PRR16: variants seen among roughly 807,000 people sequenced by gnomAD.
The protein encoded by PRR16 is proline rich 16, also known as protein Largen.
PRR16 carries 6 observed loss-of-function variants against 18.2 expected under a neutral mutation model. The observed-to-expected ratio is 0.33, with a 90% CI of 0.18 to 0.65. The LOEUF (loss-of-function observed/expected upper bound fraction) is 0.65. Among genes scored for constraint, PRR16 ranks in the 30% least tolerant of loss-of-function variants. The pLI, the probability that PRR16 is intolerant of heterozygous loss-of-function variation, is 0.74. For synonymous variants in PRR16, 151 were observed against 147.8 expected (o/e 1.02, Z -0.16); for missense variants, 412 against 376.6 (o/e 1.09, Z -0.78).
the PRR16 span, among the ~76,000 whole-genome samples, chr5:120,744,709 ATTTGTATCATTATTTTTGCATATATT>A: frequency 6.6e-6 from 1 of 152,054 alleles, no homozygotes; most frequent in Non-Finnish European, 1.5e-5. Context: ...CACATTTTCT[ATTTGTATCATTATTTTTGCATATATT>A]TGTCATAAAT....
At chr5:120,580,819 A>G (rs1161612892) in intron 1 of PRR16, among the ~76,000 whole-genome samples, 1 of 152,168 alleles carries the variant, frequency 6.6e-6, no homozygotes, top group Non-Finnish European at 1.5e-5. Context: ...TATGTGATCA[A>G]TTACATTTAT....
chr5:120,593,182 G>A (rs1753692951), intron 1 of PRR16, among the ~76,000 whole-genome samples: 2 of 151,868 alleles, frequency 1.3e-5, no homozygotes, highest in South Asian at 4.1e-4. Context: ...AACTGAAGGA[G>A]ATTGAGATAG....
intron 1 of PRR16, among the ~76,000 whole-genome samples, chr5:120,477,146 T>G (rs543966743): frequency 1.3e-5 from 2 of 152,202 alleles, no homozygotes; most frequent in Admixed American, 6.5e-5. Context: ...GTACTCTTCT[T>G]GGTGTTTTAT....
At chr5:120,681,891 T>C (rs1296829883) in intron 1 of PRR16, among the ~76,000 whole-genome samples, 2 of 152,190 alleles carry the variant, frequency 1.3e-5, no homozygotes, top group Admixed American at 1.3e-4. Context: ...CTTTTCAGTG[T>C]TTTCTGGTTT....
At chr5:120,730,051 A>C in the PRR16 span, among the ~76,000 whole-genome samples, 2 of 152,026 alleles carry the variant, frequency 1.3e-5, no homozygotes, top group African/African-American at 4.8e-5. Context: ...TGAGACGTCA[A>C]CCAGAAATGT....
intron 1 of PRR16, among the ~76,000 whole-genome samples, chr5:120,685,301 G>A (rs1236211066): frequency 1.3e-5 from 2 of 152,176 alleles, no homozygotes; most frequent in African/African-American, 4.8e-5. Flanking sequence ...TACTGTGTCT[G>A]AGACTCCCAA....
the PRR16 span, among the ~76,000 whole-genome samples, chr5:120,760,784 C>T: frequency 1.3e-5 from 2 of 152,140 alleles, no homozygotes; most frequent in Non-Finnish European, 2.9e-5. Flanking sequence ...CAGCTTGCCT[C>T]CCTCAGTTAA....
chr5:120,526,106 A>T (rs550442035), intron 1 of PRR16, among the ~76,000 whole-genome samples: 7 of 152,264 alleles, frequency 4.6e-5, no homozygotes, highest in Admixed American at 2.0e-4. Context: ...TGAGCTGCAA[A>T]GTAACTGTAT....
At chr5:120,616,888 G>T (rs902079446) in intron 1 of PRR16, among the ~76,000 whole-genome samples, 3 of 152,058 alleles carry the variant, frequency 2.0e-5, no homozygotes, top group African/African-American at 7.2e-5. Context: ...ACAATACGTG[G>T]TCTTTCACAT....
intron 1 of PRR16, among the ~76,000 whole-genome samples, chr5:120,604,877 A>G (rs1217928016): frequency 6.6e-6 from 1 of 152,186 alleles, no homozygotes; most frequent in African/African-American, 2.4e-5. Context: ...TCTTCTAGCT[A>G]GTAAGGTTTC....
Position 120,464,624 on chromosome 5 carries a change from C to G in PRR16, c.138C>G (p.Asp46Glu). The G allele has an allele frequency of 6.4e-7, 1 of 1,570,034 alleles. No individual in the cohort carries two copies. Among genetic ancestry groups the G allele is most frequent in the South Asian group, 1.2e-5 (1 of 86,596 alleles). ...AATTAGTCCTGGGCGACCTGAAGGA[C>G]GTGGCCAAGGAACTTAAGGAGGTGA... ...DLELVLGDLKDVAKELKEVVD... is the reference protein window; with the variant it reads ...DLELVLGDLKEVAKELKEVVD... The change falls in exon 1 of 2, where the codon GAC becomes GAG. Residue 46 changes from aspartate (D) to glutamate (E), a missense_variant. Coordinates refer to ENST00000407149, the MANE Select transcript of PRR16 (RefSeq NM_001300783.2).
At chr5:120,599,812 A>C (rs1046161123) in intron 1 of PRR16, among the ~76,000 whole-genome samples, 1 of 151,804 alleles carries the variant, frequency 6.6e-6, no homozygotes, top group Non-Finnish European at 1.5e-5. Context: ...TATTGCTGAC[A>C]TAGTCCAACC....
chr5:120,666,495 G>A (rs1467887330), intron 1 of PRR16, among the ~76,000 whole-genome samples: 33 of 151,726 alleles, frequency 2.2e-4, no homozygotes, highest in Non-Finnish European at 4.4e-5. Context: ...CCAACACTAT[G>A]TTGCATAGGA....
At chr5:120,707,538 C>T in the PRR16 span, among the ~76,000 whole-genome samples, 1 of 151,892 alleles carries the variant, frequency 6.6e-6, no homozygotes, top group Non-Finnish European at 1.5e-5. Context: ...AACTTAAAAA[C>T]AGATGACATT....
intron 1 of PRR16, among the ~76,000 whole-genome samples, chr5:120,582,904 A>G (rs1162715513): frequency 6.6e-6 from 1 of 152,244 alleles, no homozygotes; most frequent in East Asian, 1.9e-4. Flanking sequence ...GGTGGCTTGA[A>G]ACAGCAATAA....
At chr5:120,697,624 C>T in the PRR16 span, among the ~76,000 whole-genome samples, 13 of 151,722 alleles carry the variant, frequency 8.6e-5, no homozygotes, top group Middle Eastern at 3.4e-3. Context: ...TGGGTGCAGG[C>T]GGGCTGAGTC....
intron 1 of PRR16, among the ~76,000 whole-genome samples, chr5:120,538,216 TA>T (rs1371492593): frequency 6.6e-6 from 1 of 152,258 alleles, no homozygotes; most frequent in Non-Finnish European, 1.5e-5. Flanking sequence ...AGCAAGTTAT[TA>T]TTGTTTCCAT....
intron 1 of PRR16, among the ~76,000 whole-genome samples, chr5:120,499,055 G>A (rs1462589728): frequency 1.3e-5 from 2 of 149,438 alleles, no homozygotes; most frequent in Admixed American, 1.3e-4. Context: ...CAATCTGTAG[G>A]TTTGTAAGTC....
chr5:120,492,271 TGTGTGTG>T (rs1444063604), intron 1 of PRR16, among the ~76,000 whole-genome samples: 172 of 150,570 alleles, frequency 1.1e-3, no homozygotes, highest in Middle Eastern at 3.4e-3. Context: ...TGTGTGTGTG[TGTGTGTG>T]TGTGTGTGTG....
Sources: gnomAD v4.1 joint callset for allele counts (sites outside exome capture counted in the v4.1 genomes callset) on GRCh38, gnomAD v4.1.1 for gene constraint, MANE v1.5 for transcripts, NCBI Gene and HGNC (gene_info 2026-07-23, HGNC 2026-07-21) for gene names.